The following RNF2 variants were observed in gnomAD, a reference collection of about 807,000 sequenced individuals.
The protein encoded by RNF2 is ring finger protein 2, also known as E3 ubiquitin-protein ligase RING2.
RNF2 carries 6 observed loss-of-function variants against 37.2 expected under a neutral mutation model. That is an observed-to-expected ratio of 0.16 (90% confidence interval 0.09 to 0.32). RNF2 has a LOEUF of 0.32. Ranked by LOEUF, RNF2 falls within the 10% of genes least tolerant of loss-of-function variation. The pLI, the probability that RNF2 is intolerant of heterozygous loss-of-function variation, is 1.00. For synonymous variants in RNF2, 133 were observed against 132.7 expected (o/e 1.00, Z -0.02); for missense variants, 251 against 404.0 (o/e 0.62, Z 3.25).
chr1:185,095,855 A>T (rs144078326), intron 4 of RNF2, among the ~76,000 whole-genome samples: 1 of 152,198 alleles, frequency 6.6e-6, no homozygotes, highest in Non-Finnish European at 1.5e-5. Context: ...TAAAGGCTTA[A>T]TATTCACATT....
intron 3 of RNF2, chr1:185,092,108 C>T (rs185036737): frequency 6.3e-4 from 107 of 169,382 alleles, no homozygotes; most frequent in Non-Finnish European, 1.0e-3. Flanking sequence ...GAATTACAGA[C>T]ATGAGTCACT....
chr1:185,078,767 A>G (rs1651251781), intron 1 of RNF2, among the ~76,000 whole-genome samples: 1 of 151,580 alleles, frequency 6.6e-6, no homozygotes, highest in Non-Finnish European at 1.5e-5. Context: ...AAAATTCGCC[A>G]GGCGTAGTGG....
At position 185,070,988 on chromosome 1, in the gene RNF2, G is replaced by A. The variant is rs938844224; in HGVS notation, c.-2-16564G>A. Among the ~76,000 whole-genome samples the A allele has an allele frequency of 2.6e-5, 4 of 152,296 alleles. No individual in the cohort carries two copies. In the South Asian group the frequency reaches 8.3e-4, roughly 32 times the overall value. On this transcript the variant is annotated intron_variant, in intron 1 of 6. Transcript: ENST00000367510. ...CTAACTTAAGGATTGTATCTTAAGA[G>A]TGGGATAGAAATGGTGTTTTAGGGA...
chr1:185,054,126 T>C (rs987493861), intron 1 of RNF2, among the ~76,000 whole-genome samples: 1 of 152,220 alleles, frequency 6.6e-6, no homozygotes, highest in Non-Finnish European at 1.5e-5. Context: ...AAAAAGGATA[T>C]ATACTTTAAA....
At chr1:185,048,371 T>A (rs930689774) in intron 1 of RNF2, among the ~76,000 whole-genome samples, 5 of 152,242 alleles carry the variant, frequency 3.3e-5, no homozygotes, top group African/African-American at 1.2e-4. Context: ...TAGGCTTAGT[T>A]ATGTATCTTG....
intron 1 of RNF2, among the ~76,000 whole-genome samples, chr1:185,081,094 G>A (rs1046067561): frequency 1.1e-4 from 16 of 152,156 alleles, no homozygotes; most frequent in Admixed American, 2.0e-4. Flanking sequence ...AGTAATTGCG[G>A]TTTTGGACTG....
At chr1:185,054,917 C>G (rs1650389827) in intron 1 of RNF2, among the ~76,000 whole-genome samples, 1 of 152,156 alleles carries the variant, frequency 6.6e-6, no homozygotes, top group Admixed American at 6.5e-5. Flanking sequence ...CCAGGCTGGT[C>G]TGGAACTCCT....
chr1:185,077,821 T>C (rs1217496449), intron 1 of RNF2, among the ~76,000 whole-genome samples: 1 of 152,172 alleles, frequency 6.6e-6, no homozygotes, highest in Non-Finnish European at 1.5e-5. Flanking sequence ...CCTGATTCAT[T>C]GTTTTTTTTC....
In RNF2 at chr1:185,100,917, T is replaced by C. The variant is rs1397377461; in HGVS notation, c.*616T>C. ...GTCATGCAATGTTTTTTTTTTTCCATTCTTTTTCCCTGTAATTTTGGAATT... is the reference window on the plus strand; with the variant it reads ...GTCATGCAATGTTTTTTTTTTTCCACTCTTTTTCCCTGTAATTTTGGAATT... On this transcript the variant is annotated 3_prime_UTR_variant, in exon 7 of 7. Transcript: ENST00000367510. The C allele has an allele frequency of 1.3e-5, 2 of 152,384 alleles. No homozygotes were observed. Among genetic ancestry groups the C allele is most frequent in the Non-Finnish European group, 2.9e-5 (2 of 67,942 alleles). The allele number at this position is 152,384 out of a possible 1,614,324, so 9.4% of individuals were successfully genotyped here. A position where few individuals can be genotyped will look rare whatever the true frequency, so the allele number is the denominator to read the frequency against.
rs574402463 is a variant in RNF2 at position 185,090,227 on chromosome 1, G to A, written c.88-1352G>A. On this transcript the variant is annotated intron_variant, in intron 2 of 6. Coordinates refer to ENST00000367510, the MANE Select transcript of RNF2 (RefSeq NM_007212.4). ...GAGCCATCGTGCCTGGCCGAGGCTG[G>A]TGAAATTTTTAGTTACACCAAGGTG... Among the ~76,000 whole-genome samples, 157 of 152,240 alleles carry A rather than the reference G, an allele frequency of 1.0e-3. 1 individual carries two copies. The highest frequency in any genetic ancestry group is 3.4e-3 in the Middle Eastern group (1 of 294).
At chr1:185,071,858 C>G (rs765555655) in intron 1 of RNF2, 1 of 152,480 alleles carries the variant, frequency 6.6e-6, no homozygotes, top group Non-Finnish European at 1.5e-5. Flanking sequence ...CTTGATATGC[C>G]GAAGGAATAT....
chr1:185,097,072 T>C (rs1465839593), intron 4 of RNF2, among the ~76,000 whole-genome samples: 3 of 152,218 alleles, frequency 2.0e-5, no homozygotes, highest in Admixed American at 6.5e-5. Flanking sequence ...CTGGCACTTA[T>C]TAGCTGTATA....
chr1:185,072,024 C>T (rs1164015395), intron 1 of RNF2: 1 of 152,502 alleles, frequency 6.6e-6, no homozygotes, highest in Non-Finnish European at 1.5e-5. Context: ...AGAGATTAAT[C>T]TGGCAGTTGA....
At chr1:185,096,834 A>AT (rs748099631) in intron 4 of RNF2, among the ~76,000 whole-genome samples, 1,849 of 127,004 alleles carry the variant, frequency 0.015, 34 homozygotes, top group African/African-American at 0.035. Flanking sequence ...TATAAGCAGG[A>AT]TTTTTTTTTT....
chr1:185,067,796 T>G (rs985499587), intron 1 of RNF2, among the ~76,000 whole-genome samples: 25 of 150,070 alleles, frequency 1.7e-4, no homozygotes, highest in South Asian at 6.4e-4. Context: ...CGGCAACCTC[T>G]GCCTCCCGGG....
At chr1:185,046,160 C>A (rs1382640672) in intron 1 of RNF2, 1 of 151,598 alleles carries the variant, frequency 6.6e-6, no homozygotes, top group Non-Finnish European at 1.5e-5. Context: ...CTCCTTCCTT[C>A]TGGGGGGTCG....
chr1:185,086,329 C>T (rs1433158030), intron 1 of RNF2, among the ~76,000 whole-genome samples: 1 of 152,028 alleles, frequency 6.6e-6, no homozygotes, highest in Non-Finnish European at 1.5e-5. Context: ...TGACTGGGGT[C>T]ACTTCATTTT....
intron 1 of RNF2, among the ~76,000 whole-genome samples, chr1:185,050,142 C>T (rs932595340): frequency 2.0e-5 from 3 of 152,306 alleles, no homozygotes; most frequent in Admixed American, 1.3e-4. Context: ...TCTGTGTTAA[C>T]GTTGCCTTTC....
intron 1 of RNF2, among the ~76,000 whole-genome samples, chr1:185,051,825 T>C (rs571920733): frequency 6.7e-6 from 1 of 149,834 alleles, no homozygotes; most frequent in Non-Finnish European, 1.5e-5. Context: ...TATACACACA[T>C]TTTATGTATA....
Sources: allele counts gnomAD v4.1 joint callset (sites outside exome capture counted in the v4.1 genomes callset), GRCh38; gene constraint gnomAD v4.1.1; transcripts MANE v1.5; gene names NCBI Gene and HGNC (gene_info 2026-07-23, HGNC 2026-07-21).